Variants in EXT1 observed in about 807,000 individuals in gnomAD.
EXT1 encodes the protein exostosin-1.
EXT1 carries 20 observed loss-of-function variants against 82.5 expected under a neutral mutation model. That is an observed-to-expected ratio of 0.24 (90% CI 0.17 to 0.35). The LOEUF (loss-of-function observed/expected upper bound fraction) is 0.35, where lower values mean the gene tolerates loss of function less well. EXT1 is among the 10% of genes least tolerant of loss of function. The pLI is 1.00. For synonymous variants in EXT1, 348 were observed against 350.8 expected (o/e 0.99, Z 0.09); for missense variants, 757 against 936.5 (o/e 0.81, Z 2.50).
intron 1 of EXT1, among the ~76,000 whole-genome samples, chr8:117,958,034 T>C (rs939961747): frequency 6.6e-6 from 1 of 152,164 alleles, no homozygotes; most frequent in Admixed American, 6.5e-5. Context: ...CTAATGGTTA[T>C]TTTGGAAAAG....
intron 7 of EXT1, among the ~76,000 whole-genome samples, chr8:117,815,890 A>G (rs1277108255): frequency 6.7e-6 from 1 of 149,926 alleles, no homozygotes; most frequent in East Asian, 2.0e-4. Context: ...ATATCATGCC[A>G]TTGCACTCCA....
At chr8:117,888,112 T>TAATA (rs942031426) in intron 1 of EXT1, among the ~76,000 whole-genome samples, 3 of 150,476 alleles carry the variant, frequency 2.0e-5, no homozygotes, top group Non-Finnish European at 3.0e-5. Flanking sequence ...TAATAATTAA[T>TAATA]AATAAATAAA....
chr8:118,010,328 C>A (rs565243712), intron 1 of EXT1, among the ~76,000 whole-genome samples: 1 of 147,920 alleles, frequency 6.8e-6, no homozygotes, highest in Non-Finnish European at 1.5e-5. Context: ...GCTGAGATTG[C>A]GCCACTGCAC....
At chr8:118,062,283 C>A (rs1479825672) in intron 1 of EXT1, among the ~76,000 whole-genome samples, 1 of 152,126 alleles carries the variant, frequency 6.6e-6, no homozygotes, top group Non-Finnish European at 1.5e-5. Context: ...TAGGTAGAGG[C>A]CAAGTAAGTT....
At chr8:118,064,852 ATTT>A (rs35880608) in intron 1 of EXT1, among the ~76,000 whole-genome samples, 9,465 of 122,994 alleles carry the variant, frequency 0.077, 1,006 homozygotes, top group African/African-American at 0.27. Context: ...TGTTTCCTGA[ATTT>A]TTTTTTTTTT....
rs1035646183 is a variant in EXT1, at chr8:117,809,528, T to G, written c.1723-2151A>C. ...GTTGCACGCCTGTAATTCCAGCTAC[T>G]GGGGAGGCTGAGGCACGAGAATTGC... is the stretch of plus-strand genomic sequence containing the variant. On this transcript the variant is annotated intron_variant, in intron 8 of 10. Transcript: ENST00000378204. 9.9e-5 allele frequency among the ~76,000 whole-genome samples: 15 copies of G among 150,788 alleles called. No homozygotes were observed. The East Asian group carries it at 1.4e-3, about 14-fold the overall frequency.
chr8:117,810,747 T>C (rs1443385816), intron 8 of EXT1, among the ~76,000 whole-genome samples: 2 of 152,184 alleles, frequency 1.3e-5, no homozygotes, highest in African/African-American at 4.8e-5. Flanking sequence ...AAATCCACTA[T>C]CCACTCTTCT....
At chr8:118,000,230 G>A (rs567075691) in intron 1 of EXT1, among the ~76,000 whole-genome samples, 4 of 152,142 alleles carry the variant, frequency 2.6e-5, no homozygotes, top group Admixed American at 1.3e-4. Context: ...GGAGGGAAGG[G>A]CATCAGCATT....
At chr8:118,066,618 C>T (rs1816993508) in intron 1 of EXT1, among the ~76,000 whole-genome samples, 1 of 152,246 alleles carries the variant, frequency 6.6e-6, no homozygotes, top group East Asian at 1.9e-4. Flanking sequence ...GCCTCAGCCT[C>T]GTAAATTGCT....
At chr8:118,063,987 C>T (rs1816931623) in intron 1 of EXT1, among the ~76,000 whole-genome samples, 1 of 152,140 alleles carries the variant, frequency 6.6e-6, no homozygotes, top group South Asian at 2.1e-4. Context: ...CTGCCTCAGC[C>T]GCCCGAGTAG....
chr8:117,908,471 A>C (rs1029038536), intron 1 of EXT1, among the ~76,000 whole-genome samples: 1 of 151,528 alleles, frequency 6.6e-6, no homozygotes, highest in African/African-American at 2.4e-5. Flanking sequence ...CTCTACTAAA[A>C]ATACAAAAAT....
intron 1 of EXT1, among the ~76,000 whole-genome samples, chr8:118,028,072 G>T (rs1283655095): frequency 6.6e-6 from 1 of 152,222 alleles, no homozygotes; most frequent in Non-Finnish European, 1.5e-5. Context: ...TTATGCAGCT[G>T]TAATGGGAGA....
intron 1 of EXT1, among the ~76,000 whole-genome samples, chr8:117,844,784 ACTGGCTGACCAGGTTGGCTGCAG>A (rs1812326354): frequency 1.3e-5 from 2 of 152,102 alleles, no homozygotes; most frequent in African/African-American, 4.8e-5. Context: ...AGGCTCTGGG[ACTGGCTGACCAGGTTGGCTGCAG>A]CTTCAGGGAT....
At chr8:117,950,753 T>C (rs908597559) in intron 1 of EXT1, among the ~76,000 whole-genome samples, 2 of 152,176 alleles carry the variant, frequency 1.3e-5, no homozygotes, top group Non-Finnish European at 2.9e-5. Flanking sequence ...AGATGGACTA[T>C]GAAATGTACA....
Position 117,954,462 on chromosome 8 carries a change from ACT to A in EXT1, c.963-117263_963-117262del, listed in dbSNP as rs1317265320. On this transcript the variant is annotated intron_variant, in intron 1 of 10. Coordinates refer to ENST00000378204, the MANE Select transcript of EXT1 (RefSeq NM_000127.3). ...AGTGAAGAAAGGTAAAGTGTCTAAA[ACT>A]CTAGGGATATGACTGAGCCATGGAC... 2.0e-5 allele frequency among the ~76,000 whole-genome samples: 3 copies of A among 151,874 alleles called. No individual in the cohort carries two copies. In the East Asian group the frequency reaches 5.8e-4, roughly 29 times the overall value.
At chr8:118,105,057 T>C (rs75394353) in intron 1 of EXT1, among the ~76,000 whole-genome samples, 1,943 of 152,298 alleles carry the variant, frequency 0.013, 18 homozygotes, top group South Asian at 0.017. Context: ...GCAAGTCACC[T>C]TACCACCGTT....
At chr8:117,881,532 C>T (rs1406352160) in intron 1 of EXT1, among the ~76,000 whole-genome samples, 1 of 152,150 alleles carries the variant, frequency 6.6e-6, no homozygotes, top group Non-Finnish European at 1.5e-5. Context: ...CCTAGTGACA[C>T]AGAAATTAGG....
At chr8:117,907,933 G>T (rs1471819988) in intron 1 of EXT1, among the ~76,000 whole-genome samples, 1 of 152,140 alleles carries the variant, frequency 6.6e-6, no homozygotes, top group Admixed American at 6.5e-5. Context: ...GATGGCATTG[G>T]CTCTGCAATA....
At chr8:117,917,319 G>A (rs1813770957) in intron 1 of EXT1, among the ~76,000 whole-genome samples, 1 of 152,010 alleles carries the variant, frequency 6.6e-6, no homozygotes, top group South Asian at 2.1e-4. Context: ...ACCAAAAATA[G>A]CCAGGCGTAG....
Sources: allele counts gnomAD v4.1 joint callset (sites outside exome capture counted in the v4.1 genomes callset), GRCh38; gene constraint gnomAD v4.1.1; transcripts MANE v1.5; gene names NCBI Gene and HGNC (gene_info 2026-07-23, HGNC 2026-07-21).